POLA1: variants seen among roughly 807,000 people sequenced by gnomAD.
POLA1 encodes the protein DNA polymerase alpha catalytic subunit.
Under a neutral mutation model 124.0 loss-of-function variants are expected in POLA1, and 15 were observed. The observed-to-expected ratio is 0.12, with a 90% CI of 0.08 to 0.19. POLA1 has a LOEUF of 0.19. Among genes scored for constraint, POLA1 ranks in the 10% least tolerant of loss-of-function variants. The pLI, the probability that POLA1 is intolerant of heterozygous loss-of-function variation, is 1.00. For synonymous variants in POLA1, 408 were observed against 389.4 expected (o/e 1.05, Z -0.56); for missense variants, 886 against 1,103.4 (o/e 0.80, Z 2.79).
intron 35 of POLA1, among the ~76,000 whole-genome samples, chrX:24,915,426 T>C (rs1304787784): frequency 1.8e-5 from 2 of 112,060 alleles, no homozygotes; most frequent in Non-Finnish European, 3.8e-5. Context: ...TTTACTAGCA[T>C]TAAAAAGTGT....
At chrX:24,881,739 T>C (rs2047004487) in intron 34 of POLA1, among the ~76,000 whole-genome samples, 1 of 111,427 alleles carries the variant, frequency 9.0e-6, no homozygotes, top group Admixed American at 9.6e-5. Flanking sequence ...AAGGAAGAAA[T>C]CCCTGTGGAT....
At chrX:24,840,480 A>G (rs1400822580) in intron 32 of POLA1, among the ~76,000 whole-genome samples, 1 of 111,874 alleles carries the variant, frequency 8.9e-6, no homozygotes, top group Non-Finnish European at 1.9e-5. Context: ...GCCCCTTTCA[A>G]CTGTGAAGAG....
intron 36 of POLA1, among the ~76,000 whole-genome samples, chrX:24,964,495 A>G (rs1420188449): frequency 8.8e-6 from 1 of 113,056 alleles, no homozygotes; most frequent in Non-Finnish European, 1.9e-5. Flanking sequence ...TGCCTTGCGC[A>G]GAGCACACAA....
At chrX:24,709,439 C>T (rs1377575799) in intron 4 of POLA1, among the ~76,000 whole-genome samples, 2 of 103,150 alleles carry the variant, frequency 1.9e-5, no homozygotes, top group African/African-American at 6.9e-5. Context: ...AGGCGGGGGG[C>T]TGACCCCCCC....
chrX:24,965,204 A>G (rs2147264795), intron 36 of POLA1, among the ~76,000 whole-genome samples: 1 of 112,250 alleles, frequency 8.9e-6, no homozygotes, highest in South Asian at 3.7e-4. Context: ...AATTATGTAT[A>G]ACAAACTAAA....
intron 36 of POLA1, among the ~76,000 whole-genome samples, chrX:24,987,650 G>A (rs2048493604): frequency 9.0e-6 from 1 of 111,370 alleles, no homozygotes; most frequent in African/African-American, 3.3e-5. Flanking sequence ...CCATCTTGAG[G>A]TATGGCATCT....
rs1209422005 is a variant in POLA1 at position 24,911,779 on chromosome X, T to G, written c.4165-18674T>G. ...AATTCTAGACCCCCATGGACTTCTT[T>G]TAAAAATAATAAGGGAATACTCCAC... On this transcript the variant is annotated intron_variant, in intron 35 of 36. Coordinates refer to ENST00000379068, the MANE Select transcript of POLA1 (RefSeq NM_001330360.2). Among the ~76,000 whole-genome samples, 6 of 111,793 alleles carry G rather than the reference T, an allele frequency of 5.4e-5. No individual in the cohort carries two copies. The East Asian group carries it at 1.4e-3, about 26-fold the overall frequency.
At chrX:24,854,913 C>A (rs1484674078) in intron 34 of POLA1, among the ~76,000 whole-genome samples, 5 of 110,436 alleles carry the variant, frequency 4.5e-5, no homozygotes, top group Non-Finnish European at 9.4e-5. Flanking sequence ...TTGGATATAT[C>A]TAAGAATAAA....
intron 26 of POLA1, among the ~76,000 whole-genome samples, chrX:24,783,247 T>C (rs768011098): frequency 6.3e-5 from 7 of 111,748 alleles, no homozygotes; most frequent in African/African-American, 1.9e-4. Context: ...CACCAAAACC[T>C]ATGGTCAGCC....
chrX:24,907,557 C>T (rs1402822802), intron 35 of POLA1, among the ~76,000 whole-genome samples: 1 of 111,721 alleles, frequency 9.0e-6, no homozygotes, highest in Non-Finnish European at 1.9e-5. Context: ...TCATCAGAAA[C>T]CCTGGAGCCA....
chrX:24,949,392 T>G (rs1421523909), intron 36 of POLA1, among the ~76,000 whole-genome samples: 2 of 111,726 alleles, frequency 1.8e-5, no homozygotes, highest in Admixed American at 9.5e-5. Context: ...GAGTAGCAGC[T>G]AAGCAGTTTG....
chrX:24,739,340 T>A (rs775202085), intron 19 of POLA1, 35 bp from the exon 20 acceptor site: 1 of 1,065,372 alleles, frequency 9.4e-7, no homozygotes, highest in Admixed American at 2.8e-5. Flanking sequence ...GTGTCTGCTC[T>A]TTCATGAAGT....
At chrX:24,958,105 C>G (rs1342788243) in intron 36 of POLA1, among the ~76,000 whole-genome samples, 3 of 111,130 alleles carry the variant, frequency 2.7e-5, no homozygotes, top group Non-Finnish European at 5.7e-5. Context: ...AGGAAGAGAT[C>G]AGATGGAGCT....
At chrX:24,717,549 T>A in intron 9 of POLA1, 31 bp from the exon 10 acceptor site, 1 of 1,205,998 alleles carries the variant, frequency 8.3e-7, no homozygotes, top group Non-Finnish European at 1.1e-6. Flanking sequence ...TGTTGGATTT[T>A]GAAAGGTTTT....
At chrX:24,892,500 T>C (rs1406774245) in intron 35 of POLA1, among the ~76,000 whole-genome samples, 2 of 111,863 alleles carry the variant, frequency 1.8e-5, no homozygotes, top group African/African-American at 6.5e-5. Context: ...TTTTAGTATC[T>C]CTTTGTTTTA....
At chrX:24,745,576 T>C in intron 24 of POLA1, 34 bp downstream of exon 24, 1 of 1,021,787 alleles carries the variant, frequency 9.8e-7, no homozygotes, top group Non-Finnish European at 1.4e-6. Context: ...TGAAATTGAG[T>C]TTAAAAAAAT....
At chrX:24,921,425 T>A (rs915770079) in intron 35 of POLA1, among the ~76,000 whole-genome samples, 2 of 112,295 alleles carry the variant, frequency 1.8e-5, no homozygotes, top group Admixed American at 9.4e-5. Flanking sequence ...GGTATATAAA[T>A]GGAAATATCC....
In POLA1 at chrX:24,777,792, G is replaced by A. The variant is rs750121572; in HGVS notation, c.2964+28800G>A. Among the ~76,000 whole-genome samples the A allele has an allele frequency of 1.3e-3, 142 of 112,008 alleles. 1 individual carries two copies. Among genetic ancestry groups the A allele is most frequent in the Non-Finnish European group, 2.1e-3 (111 of 53,204 alleles). The stretch of plus-strand genomic sequence containing the variant: ...AGAGTTGAGCTCCTTTCTCTATAAA[G>A]CATTTAAGCTTTTTTGTTGCCATTA... On this transcript the variant is annotated intron_variant, in intron 26 of 36. Coordinates refer to ENST00000379068, the MANE Select transcript of POLA1 (RefSeq NM_001330360.2).
intron 26 of POLA1, among the ~76,000 whole-genome samples, chrX:24,764,233 C>T (rs1248550199): frequency 8.9e-6 from 1 of 112,397 alleles, no homozygotes; most frequent in African/African-American, 3.2e-5. Flanking sequence ...AAATAAACAA[C>T]CTTCTACCGT....
Sources: gnomAD v4.1 joint callset for allele counts (sites outside exome capture counted in the v4.1 genomes callset) on GRCh38, gnomAD v4.1.1 for gene constraint, MANE v1.5 for transcripts, NCBI Gene and HGNC (gene_info 2026-07-23, HGNC 2026-07-21) for gene names.